ACYP2: variants seen among roughly 807,000 people sequenced by gnomAD.
The protein encoded by ACYP2 is acylphosphatase-2.
ACYP2 carries 12 observed loss-of-function variants against 11.2 expected under a neutral mutation model. The ratio of observed to expected loss-of-function variants is 1.08; its 90% CI spans 0.69 to 1.74. ACYP2 has a LOEUF of 1.74. Ranked by LOEUF, ACYP2 falls within the 40% of genes most tolerant of loss-of-function variation. The pLI, the probability that ACYP2 is intolerant of heterozygous loss-of-function variation, is 0.00. For missense variants in ACYP2, 134 were observed against 101.9 expected (o/e 1.31, Z -1.35); for synonymous variants, 43 against 32.2 (o/e 1.33, Z -1.13).
chr2:54,145,186 T>A (rs1224035686), intron 6 of ACYP2, among the ~76,000 whole-genome samples: 2 of 152,232 alleles, frequency 1.3e-5, no homozygotes, highest in Admixed American at 1.3e-4. Context: ...ATTATTTATT[T>A]CTATTTTTAT....
intron 6 of ACYP2, among the ~76,000 whole-genome samples, chr2:54,297,811 A>G (rs1689578415): frequency 6.6e-6 from 1 of 152,216 alleles, no homozygotes; most frequent in African/African-American, 2.4e-5. Flanking sequence ...TAAACAAACT[A>G]TAAAATTTTA....
chr2:54,255,892 C>T lies in ACYP2; in HGVS notation c.405-48796C>T, dbSNP rs1485514333. 8.1e-6 allele frequency: 13 copies of T among 1,614,076 alleles called. No individual in the cohort carries two copies. The East Asian group carries it at 2.9e-4, about 36-fold the overall frequency. On this transcript the variant is annotated intron_variant, in intron 6 of 6. Transcript: ENST00000607452. ...CGCGGGTGGTGGAGTCACTTCCTGCCCCGCTTTGATGGCTCCATGACTGCG... is the reference window on the plus strand; with the variant it reads ...CGCGGGTGGTGGAGTCACTTCCTGCTCCGCTTTGATGGCTCCATGACTGCG...
rs57144917 is a variant in ACYP2, at chr2:54,201,594, C to CTTTCTTTCTTTCTTTCTT, written c.404+62847_404+62848insTTCTTTCTTTCTTTCTTT. On this transcript the variant is annotated intron_variant, in intron 6 of 6. Transcript: ENST00000607452. ...ATAGCCAGCTTCTTTTTCTTTCTTT[C>CTTTCTTTCTTTCTTTCTT]TCTTTCTTTCTTTCTTTCTTTCTTT... Among the ~76,000 whole-genome samples, 148 of 95,736 alleles carry CTTTCTTTCTTTCTTTCTT rather than the reference C, an allele frequency of 1.5e-3. 3 individuals carry two copies. Among genetic ancestry groups the CTTTCTTTCTTTCTTTCTT allele is most frequent in the African/African-American group, 5.7e-3 (141 of 24,864 alleles). 62.8% of individuals were successfully genotyped at this position (95,736 alleles called of 152,430 possible).
intron 6 of ACYP2, among the ~76,000 whole-genome samples, chr2:54,202,539 C>T (rs577940781): frequency 4.6e-5 from 7 of 151,188 alleles, no homozygotes; most frequent in Non-Finnish European, 8.8e-5. Context: ...TCCCAAGTAG[C>T]TGGGATTACT....
intron 6 of ACYP2, among the ~76,000 whole-genome samples, chr2:54,140,068 T>C (rs944429226): frequency 6.6e-6 from 1 of 152,182 alleles, no homozygotes; most frequent in African/African-American, 2.4e-5. Context: ...ACACCTCAAA[T>C]TGAAAAGTGG....
At chr2:53,992,190 CTCCT>C (rs764383024) in intron 2 of ACYP2, among the ~76,000 whole-genome samples, 73 of 145,610 alleles carry the variant, frequency 5.0e-4, no homozygotes, top group Admixed American at 1.6e-3. Flanking sequence ...TTCCTTCTTT[CTCCT>C]TCCTTCCTTC....
At chr2:54,039,500 C>G (rs1056637131) in intron 2 of ACYP2, among the ~76,000 whole-genome samples, 1 of 151,854 alleles carries the variant, frequency 6.6e-6, no homozygotes, top group Non-Finnish European at 1.5e-5. Flanking sequence ...TGATGCTGCC[C>G]AAGCTGATCT....
At chr2:54,237,442 T>G (rs1023501265) in intron 6 of ACYP2, among the ~76,000 whole-genome samples, 3 of 152,236 alleles carry the variant, frequency 2.0e-5, no homozygotes. Context: ...AGTGTTGTCT[T>G]TAGGTTAGAC....
intron 2 of ACYP2, among the ~76,000 whole-genome samples, chr2:53,986,280 G>A (rs1034212401): frequency 3.3e-5 from 5 of 151,890 alleles, no homozygotes; most frequent in Non-Finnish European, 4.4e-5. Flanking sequence ...AGCTCTCACC[G>A]GAAGCAGATT....
At chr2:54,275,417 A>T (rs1688509311) in intron 6 of ACYP2, among the ~76,000 whole-genome samples, 1 of 152,244 alleles carries the variant, frequency 6.6e-6, no homozygotes, top group African/African-American at 2.4e-5. Context: ...TCATAGAGGT[A>T]AAAATCTCAT....
chr2:53,972,166 C>T (rs1011785561), intron 1 of ACYP2, among the ~76,000 whole-genome samples: 17 of 150,572 alleles, frequency 1.1e-4, no homozygotes, highest in Non-Finnish European at 1.6e-4. Context: ...AAAAGTTAGC[C>T]GGGCGTGGTG....
At chr2:54,201,628 C>CT (rs879397824) in intron 6 of ACYP2, among the ~76,000 whole-genome samples, 2 of 99,506 alleles carry the variant, frequency 2.0e-5, no homozygotes, top group East Asian at 3.5e-4. Flanking sequence ...TTCTTTGTTT[C>CT]TTTCTTTCTC....
intron 4 of ACYP2, among the ~76,000 whole-genome samples, chr2:54,096,980 C>G (rs1344370812): frequency 6.6e-6 from 1 of 152,172 alleles, no homozygotes. Context: ...AAAGTGCTAG[C>G]CTTACAGGCA....
Position 54,243,555 on chromosome 2 carries a change from C to T in ACYP2, c.405-61133C>T, listed in dbSNP as rs186809107. On this transcript the variant is annotated intron_variant, in intron 6 of 6. Transcript: ENST00000607452. ...TGTCGCCCAGGCTGGAGTGTAGTGG[C>T]GCAATCTCAGCTCATTGCGGCCTCT... is the stretch of plus-strand genomic sequence containing the variant. Among the ~76,000 whole-genome samples, 539 of 151,950 alleles carry T rather than the reference C, an allele frequency of 3.5e-3. 5 individuals are homozygous for T. Among genetic ancestry groups the T allele is most frequent in the African/African-American group, 0.012 (515 of 41,410 alleles).
chr2:54,256,684 G>A (rs897497189), intron 6 of ACYP2, among the ~76,000 whole-genome samples: 1 of 152,110 alleles, frequency 6.6e-6, no homozygotes, highest in Non-Finnish European at 1.5e-5. Flanking sequence ...CGCTGTCGCC[G>A]AGGCTGGAGT....
At chr2:54,256,820 GTTTT>G (rs938115063) in intron 6 of ACYP2, among the ~76,000 whole-genome samples, 3 of 151,596 alleles carry the variant, frequency 2.0e-5, no homozygotes, top group African/African-American at 7.3e-5. Flanking sequence ...TTGTTTGTTT[GTTTT>G]GTTTTGTTTT....
At chr2:54,253,677 A>G (rs1687343429) in intron 6 of ACYP2, 1 of 152,328 alleles carries the variant, frequency 6.6e-6, no homozygotes, top group African/African-American at 2.4e-5. Flanking sequence ...CTTTTTGTTC[A>G]GTTTTCCCTG....
intron 2 of ACYP2, among the ~76,000 whole-genome samples, chr2:53,983,819 G>A (rs1488770883): frequency 3.3e-5 from 5 of 152,098 alleles, no homozygotes; most frequent in Non-Finnish European, 4.4e-5. Context: ...CAGAAGCATC[G>A]GTTTGTAGAA....
intron 6 of ACYP2, chr2:54,255,871 G>C: frequency 6.2e-7 from 1 of 1,613,978 alleles, no homozygotes; most frequent in East Asian, 2.2e-5. Flanking sequence ...GCCCTCCGCG[G>C]GTGGTGGAGT....
Sources: allele counts gnomAD v4.1 joint callset (sites outside exome capture counted in the v4.1 genomes callset), GRCh38; gene constraint gnomAD v4.1.1; transcripts MANE v1.5; gene names NCBI Gene and HGNC (gene_info 2026-07-23, HGNC 2026-07-21).